Variants in BMAL1 observed in about 807,000 individuals in gnomAD.
BMAL1 encodes the protein basic helix-loop-helix ARNT-like protein 1.
chr11:13,379,695 GC>G, the BMAL1 span: 38 of 152,236 alleles, frequency 2.5e-4, no homozygotes, highest in Non-Finnish European at 5.9e-5. Context: ...CTTGGCCTTA[GC>G]CAGGGTTTGC....
At chr11:13,356,756 A>T in the BMAL1 span, 1 of 1,614,220 alleles carries the variant, frequency 6.2e-7, no homozygotes. Context: ...ATGGACACAG[A>T]CAAAGATGAC....
chr11:13,374,733 C>T, the BMAL1 span, among the ~76,000 whole-genome samples: 1 of 152,220 alleles, frequency 6.6e-6, no homozygotes, highest in Non-Finnish European at 1.5e-5. Context: ...CAGGGTTTCT[C>T]TGATCCCTCT....
At chr11:13,364,953 T>A in the BMAL1 span, among the ~76,000 whole-genome samples, 1 of 152,198 alleles carries the variant, frequency 6.6e-6, no homozygotes, top group East Asian at 1.9e-4. Flanking sequence ...ACCCCAGTGA[T>A]CAGCCCCATG....
the BMAL1 span, among the ~76,000 whole-genome samples, chr11:13,384,092 G>T: frequency 1.3e-5 from 2 of 152,184 alleles, no homozygotes; most frequent in African/African-American, 4.8e-5. Context: ...ATGGTCATTC[G>T]GTTTTGGGTA....
chr11:13,306,952 C>T, the BMAL1 span, among the ~76,000 whole-genome samples: 1 of 152,236 alleles, frequency 6.6e-6, no homozygotes, highest in Non-Finnish European at 1.5e-5. Flanking sequence ...TTTACAATCC[C>T]AGCGAAGGGG....
chr11:13,351,419 T>C, the BMAL1 span, among the ~76,000 whole-genome samples: 1 of 152,168 alleles, frequency 6.6e-6, no homozygotes, highest in Admixed American at 6.5e-5. Context: ...CAGTTTAACA[T>C]CTCTCTTGTA....
At chr11:13,355,403 T>G in the BMAL1 span, 15 of 1,084,952 alleles carry the variant, frequency 1.4e-5, no homozygotes, top group Non-Finnish European at 2.1e-5. Flanking sequence ...GCAGAAAGAC[T>G]GCGAGATGTT....
the BMAL1 span, among the ~76,000 whole-genome samples, chr11:13,284,525 C>G: frequency 1.3e-3 from 192 of 151,446 alleles, no homozygotes; most frequent in African/African-American, 4.5e-3. Context: ...TGAGCTCTGC[C>G]TTTCTTGAGT....
the BMAL1 span, among the ~76,000 whole-genome samples, chr11:13,282,487 GC>G: frequency 6.6e-6 from 1 of 152,180 alleles, no homozygotes; most frequent in African/African-American, 2.4e-5. Flanking sequence ...CTGCCTGTCT[GC>G]CAGACCTTGC....
At chr11:13,341,292 G>T in the BMAL1 span, among the ~76,000 whole-genome samples, 1 of 152,158 alleles carries the variant, frequency 6.6e-6, no homozygotes, top group Non-Finnish European at 1.5e-5. Context: ...CCTGTCCTGG[G>T]GTCCCACCAC....
the BMAL1 span, among the ~76,000 whole-genome samples, chr11:13,335,315 C>G: frequency 6.6e-6 from 1 of 152,212 alleles, no homozygotes; most frequent in African/African-American, 2.4e-5. Flanking sequence ...TCTATTCCTT[C>G]TCTTATTCTA....
At chr11:13,311,652 T>G in the BMAL1 span, among the ~76,000 whole-genome samples, 1 of 152,208 alleles carries the variant, frequency 6.6e-6, no homozygotes, top group South Asian at 2.1e-4. Flanking sequence ...TTGCTTTAGC[T>G]TTGAGGCAGG....
chr11:13,322,500 A>C, the BMAL1 span, among the ~76,000 whole-genome samples: 1 of 152,094 alleles, frequency 6.6e-6, no homozygotes, highest in East Asian at 1.9e-4. Flanking sequence ...ATCAGTTTGC[A>C]TTTATATAAT....
chr11:13,334,462 G>A, the BMAL1 span, among the ~76,000 whole-genome samples: 1 of 151,918 alleles, frequency 6.6e-6, no homozygotes, highest in Non-Finnish European at 1.5e-5. Context: ...CTGTAGCTCT[G>A]CCAGGCCCCA....
chr11:13,362,101 CCA>C, the BMAL1 span, among the ~76,000 whole-genome samples: 1 of 152,270 alleles, frequency 6.6e-6, no homozygotes, highest in East Asian at 1.9e-4. Flanking sequence ...ACAGTGTTTG[CCA>C]CACACACTTT....
chr11:13,336,417 C>T, the BMAL1 span, among the ~76,000 whole-genome samples: 2 of 152,306 alleles, frequency 1.3e-5, no homozygotes, highest in East Asian at 3.9e-4. Context: ...GCACCTCGGC[C>T]TGAGTCAGAC....
chr11:13,361,150 T>C, the BMAL1 span, among the ~76,000 whole-genome samples: 1 of 151,894 alleles, frequency 6.6e-6, no homozygotes, highest in African/African-American at 2.4e-5. Flanking sequence ...AAAAGAAAAA[T>C]AAATGCAAGA....
chr11:13,289,528 T>TCCCAGCCC, the BMAL1 span, among the ~76,000 whole-genome samples: 1 of 152,084 alleles, frequency 6.6e-6, no homozygotes, highest in South Asian at 2.1e-4. Context: ...GCTATCCCTC[T>TCCCAGCCC]CCCAGCCCCC....
chr11:13,296,711 G>A, the BMAL1 span, among the ~76,000 whole-genome samples: 1 of 152,162 alleles, frequency 6.6e-6, no homozygotes, highest in Non-Finnish European at 1.5e-5. Flanking sequence ...ATCTTCTCTG[G>A]CTTAAATTTG....
Sources: allele counts gnomAD v4.1 joint callset (sites outside exome capture counted in the v4.1 genomes callset), GRCh38; gene constraint gnomAD v4.1.1; transcripts MANE v1.5; gene names NCBI Gene and HGNC (gene_info 2026-07-23, HGNC 2026-07-21).